Variants in PCLO observed in about 807,000 individuals in gnomAD.
PCLO encodes piccolo presynaptic cytomatrix protein.
PCLO carries 82 observed loss-of-function variants against 427.5 expected under a neutral mutation model. The ratio of observed to expected loss-of-function variants is 0.19; its 90% CI spans 0.16 to 0.23. PCLO has a LOEUF of 0.23. Ranked by LOEUF, PCLO falls within the 10% of genes least tolerant of loss-of-function variation. The pLI, the probability that PCLO is intolerant of heterozygous loss-of-function variation, is 1.00. For missense variants in PCLO, 6,239 were observed against 6,115.9 expected (o/e 1.02, Z -0.67); for synonymous variants, 2,357 against 2,155.4 (o/e 1.09, Z -2.59).
Position 82,954,574 on chromosome 7 carries a change from T to G in PCLO, c.6379A>C (p.Ile2127Leu). 6.2e-7 allele frequency: 1 copy of G among 1,613,914 alleles called. No homozygotes were observed. Among genetic ancestry groups the G allele is most frequent in the East Asian group, 2.2e-5 (1 of 44,864 alleles). The change falls in exon 5 of 25, where the codon ATC becomes CTC. Residue 2127 changes from isoleucine (I) to leucine (L), a missense_variant. By Grantham distance (5) the Ile-to-Leu change is conservative. Transcript: ENST00000333891. ...TGTTGGGTTATTTTAACATCTGGGA[T>G]AGAGAGTGTTGCACTGCTGGTCGAA... ...TDSTSSATLS[I>L]PDVKITQHFS... is the part of the protein sequence containing the mutation.
intron 7 of PCLO, among the ~76,000 whole-genome samples, chr7:82,910,049 T>C (rs1794285885): frequency 1.3e-5 from 2 of 152,136 alleles, no homozygotes. Context: ...TAAATTGTTT[T>C]AGTCTTTGTA....
At chr7:83,069,656 T>C (rs1157745925) in intron 3 of PCLO, among the ~76,000 whole-genome samples, 1 of 152,124 alleles carries the variant, frequency 6.6e-6, no homozygotes, top group Non-Finnish European at 1.5e-5. Flanking sequence ...GTAAAGTGCT[T>C]AGTTCAGTGC....
Position 82,838,238 on chromosome 7 carries a change from C to T in PCLO, c.14202G>A (p.Val4734=), listed in dbSNP as rs185345013. The T allele has an allele frequency of 3.5e-5, 56 of 1,600,706 alleles. 1 individual carries two copies. The Admixed American group carries it at 7.6e-4, about 22-fold the overall frequency. ...NNGYSDPFVK[V]YLLPGRGQVM... is the part of the protein sequence containing the mutation. Reference sequence around the variant, plus strand: ...CTTACCCTCTCCCTGGAAGAAGGTACACTTTCACAAAAGGGTCAGAATAAC... The same window carrying T: ...CTTACCCTCTCCCTGGAAGAAGGTATACTTTCACAAAAGGGTCAGAATAAC... The change falls in exon 15 of 25, where the codon GTG becomes GTA. Residue 4734 remains valine, a synonymous_variant. Coordinates refer to ENST00000333891, the MANE Select transcript of PCLO (RefSeq NM_033026.6).
intron 22 of PCLO, among the ~76,000 whole-genome samples, chr7:82,780,778 C>T (rs1413437948): frequency 1.3e-5 from 2 of 152,246 alleles, no homozygotes; most frequent in East Asian, 1.9e-4. Flanking sequence ...TGACATTTTC[C>T]TCAAATGGTA....
chr7:83,138,415 C>G (rs1337425523), intron 2 of PCLO, among the ~76,000 whole-genome samples: 1 of 152,150 alleles, frequency 6.6e-6, no homozygotes, highest in African/African-American at 2.4e-5. Context: ...AATCCCAGCA[C>G]TTTGGAAGGC....
intron 2 of PCLO, among the ~76,000 whole-genome samples, chr7:83,138,142 G>A (rs1257162090): frequency 1.3e-5 from 2 of 152,132 alleles, no homozygotes; most frequent in Non-Finnish European, 2.9e-5. Context: ...ATTCTTACAT[G>A]TATAGTCACT....
intron 6 of PCLO, among the ~76,000 whole-genome samples, chr7:82,917,565 C>T (rs1794497472): frequency 6.6e-6 from 1 of 152,014 alleles, no homozygotes; most frequent in Non-Finnish European, 1.5e-5. Context: ...TTGTCATAAA[C>T]TTGCTTTCTA....
At chr7:82,960,985 T>C (rs534772918) in intron 4 of PCLO, among the ~76,000 whole-genome samples, 3 of 152,296 alleles carry the variant, frequency 2.0e-5, no homozygotes, top group African/African-American at 7.2e-5. Context: ...ACTATAATTC[T>C]AGTACTTCTG....
At chr7:82,900,021 T>C (rs1794002233) in intron 9 of PCLO, among the ~76,000 whole-genome samples, 1 of 151,660 alleles carries the variant, frequency 6.6e-6, no homozygotes, top group South Asian at 2.1e-4. Flanking sequence ...ATTCTTTTTT[T>C]AGCAAGTAAT....
intron 6 of PCLO, among the ~76,000 whole-genome samples, chr7:82,943,332 T>C (rs11975294): frequency 0.016 from 2,424 of 152,294 alleles, 61 homozygotes; most frequent in African/African-American, 0.056. Context: ...CAACAATTAA[T>C]AGCCTATGTA....
intron 3 of PCLO, among the ~76,000 whole-genome samples, chr7:83,090,258 T>G (rs1287093832): frequency 6.6e-6 from 1 of 152,178 alleles, no homozygotes. Flanking sequence ...TAACTACCTA[T>G]GTAAACTAAT....
chr7:82,818,035 A>C (rs1246754393), intron 20 of PCLO, among the ~76,000 whole-genome samples: 1 of 152,166 alleles, frequency 6.6e-6, no homozygotes, highest in Non-Finnish European at 1.5e-5. Context: ...CCAACAAATA[A>C]AAAATCTTTT....
At chr7:83,042,691 T>C (rs568464382) in intron 3 of PCLO, among the ~76,000 whole-genome samples, 3 of 152,220 alleles carry the variant, frequency 2.0e-5, no homozygotes, top group Non-Finnish European at 4.4e-5. Flanking sequence ...TGAAACTTTA[T>C]CTCTACTAAA....
intron 10 of PCLO, among the ~76,000 whole-genome samples, chr7:82,875,587 G>A (rs951998001): frequency 1.3e-5 from 2 of 151,936 alleles, no homozygotes; most frequent in African/African-American, 2.4e-5. Context: ...GACAACAAAA[G>A]CTAGAAGGAA....
At chr7:82,784,430 G>A (rs2129468217) in intron 22 of PCLO, among the ~76,000 whole-genome samples, 1 of 152,156 alleles carries the variant, frequency 6.6e-6, no homozygotes, top group East Asian at 1.9e-4. Context: ...GGCCTTTCCG[G>A]ATAATATTAT....
intron 22 of PCLO, among the ~76,000 whole-genome samples, chr7:82,770,450 C>T (rs1283673032): frequency 6.6e-6 from 1 of 151,606 alleles, no homozygotes; most frequent in Non-Finnish European, 1.5e-5. Flanking sequence ...ACAATTTATG[C>T]CTAGAAAACA....
chr7:82,989,580 C>G (rs1796332921), intron 3 of PCLO, among the ~76,000 whole-genome samples: 1 of 151,922 alleles, frequency 6.6e-6, no homozygotes, highest in South Asian at 2.1e-4. Context: ...ATTTATTTTT[C>G]ACATGTAATT....
chr7:83,069,159 T>C (rs907587321), intron 3 of PCLO, among the ~76,000 whole-genome samples: 3 of 152,154 alleles, frequency 2.0e-5, no homozygotes, highest in Non-Finnish European at 4.4e-5. Context: ...GTAATACATA[T>C]GTTAATGACA....
At chr7:82,875,742 A>G (rs1031006130) in intron 10 of PCLO, among the ~76,000 whole-genome samples, 29 of 152,124 alleles carry the variant, frequency 1.9e-4, no homozygotes, top group African/African-American at 7.0e-4. Flanking sequence ...CATAATGTAC[A>G]TATGCATTGA....
Sources: allele counts gnomAD v4.1 joint callset (sites outside exome capture counted in the v4.1 genomes callset), GRCh38; gene constraint gnomAD v4.1.1; transcripts MANE v1.5; gene names NCBI Gene and HGNC (gene_info 2026-07-23, HGNC 2026-07-21).